MSRB3: variants seen among roughly 807,000 people sequenced by gnomAD.
MSRB3 encodes the protein methionine-R-sulfoxide reductase B3.
MSRB3 carries 13 observed loss-of-function variants against 21.0 expected under a neutral mutation model. The observed-to-expected ratio is 0.62, with a 90% CI of 0.40 to 0.98. MSRB3 has a LOEUF of 0.98. MSRB3 is among the 50% of genes least tolerant of loss of function. The probability of loss-of-function intolerance (pLI) is 0.00; values close to 1 mark genes in which losing one functional copy is unlikely to be tolerated. For missense variants in MSRB3, 199 were observed against 230.3 expected (o/e 0.86, Z 0.88); for synonymous variants, 87 against 88.6 (o/e 0.98, Z 0.10).
intron 5 of MSRB3, among the ~76,000 whole-genome samples, chr12:65,444,919 C>T (rs1463662608): frequency 6.6e-6 from 1 of 152,100 alleles, no homozygotes; most frequent in East Asian, 1.9e-4. Context: ...TTCTCCTCTC[C>T]GTTTATATTC....
At chr12:65,399,815 G>T (rs1242220236) in intron 5 of MSRB3, among the ~76,000 whole-genome samples, 1 of 152,042 alleles carries the variant, frequency 6.6e-6, no homozygotes, top group East Asian at 1.9e-4. Context: ...GCATGAAGGG[G>T]TGTTGAATTT....
intron 5 of MSRB3, among the ~76,000 whole-genome samples, chr12:65,428,604 AC>A (rs1228817234): frequency 6.6e-6 from 1 of 152,214 alleles, no homozygotes; most frequent in African/African-American, 2.4e-5. Context: ...AAACAGGAGT[AC>A]GACATTATTG....
chr12:65,313,273 A>G (rs757662999), intron 2 of MSRB3, among the ~76,000 whole-genome samples: 4 of 152,152 alleles, frequency 2.6e-5, no homozygotes, highest in Non-Finnish European at 4.4e-5. Context: ...CATTAAAGCC[A>G]CATCCATCAG....
At chr12:65,421,530 T>C (rs2136644289) in intron 5 of MSRB3, among the ~76,000 whole-genome samples, 1 of 152,372 alleles carries the variant, frequency 6.6e-6, no homozygotes, top group African/African-American at 2.4e-5. Context: ...CATCATGAAA[T>C]TTTTGGCAGT....
At chr12:65,284,780 G>C (rs557907235) in intron 1 of MSRB3, 3 of 152,318 alleles carry the variant, frequency 2.0e-5, no homozygotes, top group East Asian at 3.9e-4. Context: ...TTCTGTTCAC[G>C]AGCTTTCCTT....
chr12:65,441,579 C>T (rs1408275888), intron 5 of MSRB3, among the ~76,000 whole-genome samples: 1 of 151,890 alleles, frequency 6.6e-6, no homozygotes, highest in Non-Finnish European at 1.5e-5. Flanking sequence ...GTTTGGAATA[C>T]ACTGGGAACA....
In MSRB3 at chr12:65,390,622, C is replaced by T. The variant is rs370259131; in HGVS notation, c.292+21596C>T. On this transcript the variant is annotated intron_variant, in intron 5 of 6. Transcript: ENST00000308259. ...TGGTAATTGTTTAAACCAGTAATTC[C>T]ACTTTGGGAGACTTCATGAAGAAAA... 3.1e-4 allele frequency among the ~76,000 whole-genome samples: 47 copies of T among 152,134 alleles called. No homozygotes were observed. In the South Asian group the frequency reaches 9.8e-3, roughly 32 times the overall value.
chr12:65,451,200 A>G (rs1882844273), intron 5 of MSRB3, among the ~76,000 whole-genome samples: 1 of 152,300 alleles, frequency 6.6e-6, no homozygotes, highest in Admixed American at 6.5e-5. Context: ...GAAAACTGCC[A>G]TCTCTTCTAC....
At chr12:65,318,613 T>C (rs1408527902) in intron 2 of MSRB3, among the ~76,000 whole-genome samples, 3 of 152,328 alleles carry the variant, frequency 2.0e-5, no homozygotes, top group East Asian at 1.9e-4. Flanking sequence ...TCAGATAGAA[T>C]TGAAGTAAAG....
chr12:65,403,437 A>C (rs1382716098), intron 5 of MSRB3, among the ~76,000 whole-genome samples: 1 of 152,112 alleles, frequency 6.6e-6, no homozygotes, highest in Non-Finnish European at 1.5e-5. Context: ...AGCCTCAGTA[A>C]TGGTGGACGC....
intron 5 of MSRB3, among the ~76,000 whole-genome samples, chr12:65,426,999 A>T (rs1365741838): frequency 6.6e-6 from 1 of 152,178 alleles, no homozygotes; most frequent in Middle Eastern, 3.2e-3. Flanking sequence ...TTCCTAAAAC[A>T]ATTGTTTTGA....
intron 1 of MSRB3, among the ~76,000 whole-genome samples, chr12:65,281,180 G>A (rs1392035927): frequency 6.6e-6 from 1 of 152,170 alleles, no homozygotes; most frequent in Non-Finnish European, 1.5e-5. Flanking sequence ...GGTAAGCCGT[G>A]ATCACACCAC....
At chr12:65,416,205 C>A (rs995990956) in intron 5 of MSRB3, among the ~76,000 whole-genome samples, 3 of 152,190 alleles carry the variant, frequency 2.0e-5, no homozygotes, top group Admixed American at 2.0e-4. Flanking sequence ...ATTTCTAAAT[C>A]AACACCTGGG....
intron 1 of MSRB3, among the ~76,000 whole-genome samples, chr12:65,297,910 A>G (rs758441664): frequency 1.3e-5 from 2 of 152,052 alleles, no homozygotes; most frequent in Non-Finnish European, 2.9e-5. Context: ...AATTGACAGC[A>G]CTTAGTATTG....
At chr12:65,356,579 T>C (rs144688165) in intron 4 of MSRB3, among the ~76,000 whole-genome samples, 1 of 151,800 alleles carries the variant, frequency 6.6e-6, no homozygotes, top group Non-Finnish European at 1.5e-5. Context: ...ACTTCCTCAT[T>C]AGGCAAAAAG....
intron 5 of MSRB3, among the ~76,000 whole-genome samples, chr12:65,404,667 A>G (rs887805017): frequency 6.6e-6 from 1 of 152,180 alleles, no homozygotes; most frequent in South Asian, 2.1e-4. Flanking sequence ...TTTTTGTTCT[A>G]TGTGGTGTAT....
intron 4 of MSRB3, among the ~76,000 whole-genome samples, chr12:65,346,372 A>G (rs1307492521): frequency 1.3e-5 from 2 of 152,160 alleles, no homozygotes; most frequent in East Asian, 1.9e-4. Context: ...TTTTGGCTAC[A>G]TAAATGTCTC....
In MSRB3 at chr12:65,374,274, T is replaced by C. The variant is rs192657972; in HGVS notation, c.292+5248T>C. On this transcript the variant is annotated intron_variant, in intron 5 of 6. Coordinates refer to ENST00000308259, the MANE Select transcript of MSRB3 (RefSeq NM_001031679.3). ...GAAATCTGCATTTGGGCATCATTTA[T>C]CAGCAGAAATAAGAAAAATATTGAC... Among the ~76,000 whole-genome samples, 154 of 152,312 alleles carry C rather than the reference T, an allele frequency of 1.0e-3. 1 individual carries two copies. The highest frequency in any genetic ancestry group is 8.1e-3 in the Admixed American group (124 of 15,298).
At chr12:65,434,922 G>A in intron 5 of MSRB3, among the ~76,000 whole-genome samples, 1 of 151,818 alleles carries the variant, frequency 6.6e-6, no homozygotes, top group East Asian at 1.9e-4. Flanking sequence ...AGCCGGGATC[G>A]ATTTAGGCAG....
Sources: gnomAD v4.1 joint callset for allele counts (sites outside exome capture counted in the v4.1 genomes callset) on GRCh38, gnomAD v4.1.1 for gene constraint, MANE v1.5 for transcripts, NCBI Gene and HGNC (gene_info 2026-07-23, HGNC 2026-07-21) for gene names.